Variants in MOB2 observed in about 807,000 individuals in gnomAD.
MOB2 encodes the protein MOB2 Mps One Binder homolog.
A neutral mutation model predicts 27.4 loss-of-function variants in MOB2; 14 were observed. The observed-to-expected ratio is 0.51, with a 90% confidence interval of 0.34 to 0.80. The LOEUF is 0.80. MOB2 is among the 30% of genes least tolerant of loss of function. The probability of loss-of-function intolerance (pLI) is 0.01; values close to 1 mark genes in which losing one functional copy is unlikely to be tolerated. For missense variants in MOB2, 304 were observed against 354.6 expected (o/e 0.86, Z 1.15); for synonymous variants, 167 against 151.8 (o/e 1.10, Z -0.74).
At chr11:1,479,354 A>G (rs903488627) in intron 3 of MOB2, among the ~76,000 whole-genome samples, 41 of 152,212 alleles carry the variant, frequency 2.7e-4, no homozygotes, top group Non-Finnish European at 5.1e-4. Context: ...GCCGTCTCAC[A>G]TTGAGCTTGC....
chr11:1,480,567 G>A, intron 2 of MOB2, 81 bp from the exon 3 acceptor site: 3 of 1,549,076 alleles, frequency 1.9e-6, no homozygotes, highest in South Asian at 2.3e-5. Context: ...AGCAACAGGT[G>A]CAGGAGCTCG....
chr11:1,473,903 C>T (rs562889406), intron 3 of MOB2, among the ~76,000 whole-genome samples: 42 of 152,384 alleles, frequency 2.8e-4, no homozygotes, highest in African/African-American at 9.4e-4. Context: ...GGAATCGCAC[C>T]GCGCGGATCC....
chr11:1,478,080 A>T (rs11030147), intron 3 of MOB2, among the ~76,000 whole-genome samples: 2 of 152,312 alleles, frequency 1.3e-5, no homozygotes, highest in East Asian at 3.9e-4. Flanking sequence ...ACGCAACTCA[A>T]CCCCACATGC....
intron 3 of MOB2, among the ~76,000 whole-genome samples, chr11:1,475,261 G>A (rs927239751): frequency 1.3e-5 from 2 of 152,088 alleles, no homozygotes; most frequent in African/African-American, 2.4e-5. Flanking sequence ...TGATTTGTGC[G>A]TGTTGACCTC....
chr11:1,470,840 C>T (rs1429300196), intron 4 of MOB2, among the ~76,000 whole-genome samples: 2 of 152,236 alleles, frequency 1.3e-5, no homozygotes, highest in African/African-American at 4.8e-5. Flanking sequence ...CACTTGGGGC[C>T]ATCTCCCGGG....
intron 3 of MOB2, among the ~76,000 whole-genome samples, chr11:1,476,066 GCTGGGCCGAGGGAGGAGGAGGCACAC>G (rs1341201087): frequency 2.0e-4 from 31 of 152,250 alleles, no homozygotes; most frequent in African/African-American, 7.2e-4. Context: ...CCGAGGCACA[GCTGGGCCGAGGGAGGAGGAGGCACAC>G]CTGGAGCAGG....
intron 3 of MOB2, chr11:1,473,148 A>T (rs996606174): frequency 3.9e-5 from 6 of 152,398 alleles, no homozygotes; most frequent in Middle Eastern, 3.4e-3. Flanking sequence ...TGCGGGGCTG[A>T]CTCAGCCCAC....
chr11:1,469,495 G>C lies in MOB2; in HGVS notation c.*677C>G. ...TTCTTTTTATTACGAGTGAACAGAT[G>C]AACTAAGGTAAGCGGGTCTCAGCCT... On this transcript the variant is annotated 3_prime_UTR_variant, in exon 5 of 5. Coordinates refer to ENST00000329957, the MANE Select transcript of MOB2 (RefSeq NM_001172223.3). 4.4e-6 allele frequency: 2 copies of C among 451,916 alleles called. No individual in the cohort carries two copies. Among genetic ancestry groups the C allele is most frequent in the Non-Finnish European group, 4.5e-6 (1 of 223,462 alleles). The allele number at this position is 451,916 out of a possible 1,614,324, so 28.0% of individuals were successfully genotyped here. A position where few individuals can be genotyped will look rare whatever the true frequency, so the allele number is the denominator to read the frequency against.
intron 1 of MOB2, among the ~76,000 whole-genome samples, chr11:1,485,378 C>A (rs1019529723): frequency 1.3e-5 from 2 of 152,242 alleles, no homozygotes; most frequent in African/African-American, 4.8e-5. Context: ...GTACTGCCAA[C>A]TTGCCCACAC....
chr11:1,481,013 C>A, intron 1 of MOB2, 128 bp from the exon 2 acceptor site: 1 of 1,170,960 alleles, frequency 8.5e-7, no homozygotes. Flanking sequence ...ACACTGCCTC[C>A]CTGCCAGGCT....
intron 3 of MOB2, among the ~76,000 whole-genome samples, chr11:1,476,871 G>C (rs1590763964): frequency 6.6e-6 from 1 of 152,188 alleles, no homozygotes; most frequent in African/African-American, 2.4e-5. Flanking sequence ...GTATTAGTCT[G>C]CAAGTGTTTG....
chr11:1,470,503 C>T lies in MOB2; in HGVS notation c.491-15G>A, dbSNP rs1020241473. The T allele has an allele frequency of 1.7e-5, 27 of 1,605,994 alleles. 1 individual carries two copies. The highest frequency in any genetic ancestry group is 1.4e-4 in the South Asian group (13 of 90,534). On this transcript the variant is annotated splice_polypyrimidine_tract_variant and intron_variant, in intron 4 of 4. Transcript: ENST00000329957. ...GAATTCTCTGCCTGGGGAAGGCCAC[C>T]GTGTCACAAGCTGCAGACATCCCTT...
intron 1 of MOB2, among the ~76,000 whole-genome samples, chr11:1,484,193 G>A (rs1847945628): frequency 6.6e-6 from 1 of 152,216 alleles, no homozygotes; most frequent in South Asian, 2.1e-4. Context: ...TAGACCCTGA[G>A]GTGAGTGGGC....
rs569383944 is a variant in MOB2, at chr11:1,478,763, C to T, written c.365+1630G>A. 2.1e-3 allele frequency among the ~76,000 whole-genome samples: 314 copies of T among 152,256 alleles called. 1 individual carries two copies. The highest frequency in any genetic ancestry group is 3.9e-3 in the Non-Finnish European group (266 of 68,028). The stretch of plus-strand genomic sequence containing the variant: ...TGCAATGTGTTTCCGGCCCCGCCCC[C>T]TTTCTCGTCTCCCTAGGAGTCAGAC... On this transcript the variant is annotated intron_variant, in intron 3 of 4. Coordinates refer to ENST00000329957, the MANE Select transcript of MOB2 (RefSeq NM_001172223.3).
At position 1,480,488 on chromosome 11, in the gene MOB2, TG is replaced by T; in HGVS notation, c.272-3del. On this transcript the variant is annotated splice_polypyrimidine_tract_variant and splice_region_variant and intron_variant, in intron 2 of 4. Transcript: ENST00000329957. ...TGATGTGGTGGAAAAACGTCGTGGC[TG>T]GAAGAGAAGAGAAGGAGCCAGATGT... The T allele has an allele frequency of 1.2e-6, 2 of 1,613,656 alleles. No individual in the cohort carries two copies. The highest frequency in any genetic ancestry group is 1.7e-6 in the Non-Finnish European group (2 of 1,179,794).
intron 3 of MOB2, among the ~76,000 whole-genome samples, chr11:1,474,036 A>T (rs1847826857): frequency 6.6e-6 from 1 of 152,200 alleles, no homozygotes; most frequent in African/African-American, 2.4e-5. Flanking sequence ...TGGCGTGCTC[A>T]TCTATTCACC....
chr11:1,480,312 G>T, intron 3 of MOB2, 81 bp downstream of exon 3: 1 of 1,308,730 alleles, frequency 7.6e-7, no homozygotes, highest in Non-Finnish European at 1.1e-6. Flanking sequence ...AATCTGAGAG[G>T]ACAGGAGCCT....
At chr11:1,485,174 G>A (rs1209904742) in intron 1 of MOB2, among the ~76,000 whole-genome samples, 1 of 152,180 alleles carries the variant, frequency 6.6e-6, no homozygotes, top group Non-Finnish European at 1.5e-5. Flanking sequence ...ACCTTCCTGA[G>A]CCCCAGGGAA....
chr11:1,477,166 G>A (rs180819608), intron 3 of MOB2, among the ~76,000 whole-genome samples: 4 of 152,036 alleles, frequency 2.6e-5, no homozygotes, highest in African/African-American at 7.2e-5. Context: ...TGCAATCCCC[G>A]GCGATCATGT....
Sources: gnomAD v4.1 joint callset for allele counts (sites outside exome capture counted in the v4.1 genomes callset) on GRCh38, gnomAD v4.1.1 for gene constraint, MANE v1.5 for transcripts, NCBI Gene and HGNC (gene_info 2026-07-23, HGNC 2026-07-21) for gene names.